AHCYL2: variants seen among roughly 807,000 people sequenced by gnomAD.
AHCYL2 encodes adenosylhomocysteinase like 2.
AHCYL2 carries 28 observed loss-of-function variants against 81.4 expected under a neutral mutation model. That is an observed-to-expected ratio of 0.34 (90% CI 0.25 to 0.47). The LOEUF (loss-of-function observed/expected upper bound fraction) is 0.47. AHCYL2 is among the 20% of genes least tolerant of loss of function. AHCYL2 has a pLI of 1.00. For synonymous variants in AHCYL2, 272 were observed against 290.2 expected, an observed-to-expected ratio of 0.94 and a Z score of 0.64; for missense variants, 551 against 785.1, an observed-to-expected ratio of 0.70 and a Z score of 3.56.
At chr7:129,410,353 T>C in intron 11 of AHCYL2, 1 of 1,614,232 alleles carries the variant, frequency 6.2e-7, no homozygotes, top group Non-Finnish European at 8.5e-7. Context: ...CTAGGCGTGT[T>C]GGTTTCCGTC....
chr7:129,279,298 C>T (rs187787394), intron 1 of AHCYL2, among the ~76,000 whole-genome samples: 190 of 151,426 alleles, frequency 1.3e-3, no homozygotes, highest in Non-Finnish European at 2.6e-3. Flanking sequence ...TACAGACGCA[C>T]GCCACAAGAC....
At chr7:129,320,775 G>A (rs965040571) in intron 1 of AHCYL2, among the ~76,000 whole-genome samples, 8 of 152,052 alleles carry the variant, frequency 5.3e-5, no homozygotes, top group African/African-American at 1.9e-4. Context: ...CTACCCATTA[G>A]TGGTGGTATT....
chr7:129,315,368 C>T (rs1393286030), intron 1 of AHCYL2, among the ~76,000 whole-genome samples: 1 of 152,122 alleles, frequency 6.6e-6, no homozygotes, highest in African/African-American at 2.4e-5. Context: ...CCTGTGCTGC[C>T]ATTTCTCTCC....
At chr7:129,418,368 C>T (rs771390511) in intron 12 of AHCYL2, among the ~76,000 whole-genome samples, 12 of 152,004 alleles carry the variant, frequency 7.9e-5, no homozygotes, top group Non-Finnish European at 1.2e-4. Flanking sequence ...GGTGCAATCT[C>T]GGCTCACTGC....
chr7:129,273,576 C>T (rs948328457), intron 1 of AHCYL2, among the ~76,000 whole-genome samples: 1 of 151,954 alleles, frequency 6.6e-6, no homozygotes, highest in Non-Finnish European at 1.5e-5. Flanking sequence ...GATCCGCCCA[C>T]CTCGGCCTCC....
intron 1 of AHCYL2, among the ~76,000 whole-genome samples, chr7:129,351,934 G>C (rs1216733123): frequency 6.6e-6 from 1 of 152,146 alleles, no homozygotes; most frequent in African/African-American, 2.4e-5. Context: ...TATTGTATTT[G>C]TCATTGGTGT....
chr7:129,341,623 C>T (rs560115688), intron 1 of AHCYL2, among the ~76,000 whole-genome samples: 80 of 152,162 alleles, frequency 5.3e-4, no homozygotes, highest in African/African-American at 1.7e-3. Context: ...AGAGATCTGG[C>T]GGCGGCAGTG....
At chr7:129,397,376 T>C (rs1351993030) in intron 5 of AHCYL2, 52 bp downstream of exon 5, 2 of 1,509,400 alleles carry the variant, frequency 1.3e-6, no homozygotes, top group Non-Finnish European at 1.8e-6. Flanking sequence ...TTTGGAGACT[T>C]ACTTTATGTT....
At chr7:129,381,222 C>T (rs1794939786) in intron 2 of AHCYL2, among the ~76,000 whole-genome samples, 1 of 152,086 alleles carries the variant, frequency 6.6e-6, no homozygotes, top group Non-Finnish European at 1.5e-5. Flanking sequence ...CAAATTTTAA[C>T]TCCAGCTCAG....
At chr7:129,359,567 A>G (rs185833229) in intron 1 of AHCYL2, among the ~76,000 whole-genome samples, 2 of 152,374 alleles carry the variant, frequency 1.3e-5, no homozygotes, top group Non-Finnish European at 1.5e-5. Flanking sequence ...ATTTAATGGC[A>G]TTATGTTTCA....
chr7:129,422,808 G>C (rs1364101471), intron 12 of AHCYL2, 32 bp from the exon 13 acceptor site: 8 of 1,599,510 alleles, frequency 5.0e-6, no homozygotes, highest in Non-Finnish European at 6.8e-6. Flanking sequence ...GGCTTGCTAT[G>C]GCTAATGCTG....
intron 1 of AHCYL2, among the ~76,000 whole-genome samples, chr7:129,326,526 A>G (rs1183887116): frequency 6.6e-6 from 1 of 152,074 alleles, no homozygotes; most frequent in Non-Finnish European, 1.5e-5. Flanking sequence ...ACGCCAACTC[A>G]AAACAAACAA....
At chr7:129,230,507 G>GC (rs1369886057) in intron 1 of AHCYL2, among the ~76,000 whole-genome samples, 7 of 152,112 alleles carry the variant, frequency 4.6e-5, no homozygotes, top group Non-Finnish European at 7.4e-5. Context: ...AACTAACAGA[G>GC]CCCTAAACTG....
intron 5 of AHCYL2, among the ~76,000 whole-genome samples, chr7:129,398,792 A>G (rs1321326528): frequency 6.6e-6 from 1 of 152,076 alleles, no homozygotes; most frequent in Non-Finnish European, 1.5e-5. Flanking sequence ...TAATACACAT[A>G]TATAAATAAT....
At chr7:129,238,113 C>T (rs1238502696) in intron 1 of AHCYL2, among the ~76,000 whole-genome samples, 1 of 152,098 alleles carries the variant, frequency 6.6e-6, no homozygotes, top group Non-Finnish European at 1.5e-5. Flanking sequence ...GGTGTGGTCA[C>T]CTATCTTTCA....
intron 1 of AHCYL2, among the ~76,000 whole-genome samples, chr7:129,378,173 A>G (rs920380206): frequency 6.6e-6 from 1 of 152,172 alleles, no homozygotes; most frequent in Non-Finnish European, 1.5e-5. Flanking sequence ...TTAGCTGGGC[A>G]TGGTGGCACA....
chr7:129,246,883 C>G (rs1795081035), intron 1 of AHCYL2, among the ~76,000 whole-genome samples: 1 of 152,102 alleles, frequency 6.6e-6, no homozygotes, highest in Non-Finnish European at 1.5e-5. Context: ...GAGGTTCATT[C>G]ATGTAGTAGG....
In AHCYL2 at chr7:129,233,549, G is replaced by A. The variant is rs780639363; in HGVS notation, c.363+8110G>A. The stretch of plus-strand genomic sequence containing the variant: ...TGTCCCCAGGCTGGAGTGCAGTGGC[G>A]CGATCTCCGCTCACTGCAACCTCCG... On this transcript the variant is annotated intron_variant, in intron 1 of 16. Transcript: ENST00000325006. Among the ~76,000 whole-genome samples the A allele has an allele frequency of 3.3e-5, 5 of 151,900 alleles. No individual in the cohort carries two copies. In the South Asian group the frequency reaches 6.2e-4, roughly 19 times the overall value.
chr7:129,301,911 A>T (rs1034059215), intron 1 of AHCYL2, among the ~76,000 whole-genome samples: 16 of 150,606 alleles, frequency 1.1e-4, no homozygotes, highest in Non-Finnish European at 1.6e-4. Context: ...TGTTATTGGG[A>T]TTTGGAATCT....
Sources: allele counts gnomAD v4.1 joint callset (sites outside exome capture counted in the v4.1 genomes callset), GRCh38; gene constraint gnomAD v4.1.1; transcripts MANE v1.5; gene names NCBI Gene and HGNC (gene_info 2026-07-23, HGNC 2026-07-21).